Variants in PCLO observed in about 807,000 individuals in gnomAD.
PCLO encodes piccolo presynaptic cytomatrix protein.
Under a neutral mutation model 427.5 loss-of-function variants are expected in PCLO, and 82 were observed. That is an observed-to-expected ratio of 0.19 (90% CI 0.16 to 0.23). PCLO has a LOEUF of 0.23. Among genes scored for constraint, PCLO ranks in the 10% least tolerant of loss-of-function variants. PCLO has a pLI of 1.00. For missense variants in PCLO, 6,239 were observed against 6,115.9 expected (o/e 1.02, Z -0.67); for synonymous variants, 2,357 against 2,155.4 (o/e 1.09, Z -2.59).
intron 3 of PCLO, among the ~76,000 whole-genome samples, chr7:83,039,595 C>T (rs191457735): frequency 6.6e-6 from 1 of 152,164 alleles, no homozygotes; most frequent in South Asian, 2.1e-4. Context: ...AACTTCTTTA[C>T]TGCTGCTTTG....
chr7:83,009,781 T>C (rs1788034965), intron 3 of PCLO, among the ~76,000 whole-genome samples: 1 of 151,932 alleles, frequency 6.6e-6, no homozygotes, highest in African/African-American at 2.4e-5. Context: ...TGTTATTGGG[T>C]TCCATACCCA....
chr7:82,958,049 C>T (rs567170055), intron 4 of PCLO, among the ~76,000 whole-genome samples: 1 of 152,192 alleles, frequency 6.6e-6, no homozygotes, highest in South Asian at 2.1e-4. Context: ...GTTAGTTGTC[C>T]TGTTTAAAGG....
chr7:82,984,296 T>C (rs1285630866), intron 3 of PCLO, among the ~76,000 whole-genome samples: 1 of 139,244 alleles, frequency 7.2e-6, no homozygotes, highest in African/African-American at 3.4e-5. Flanking sequence ...AATTATTCAA[T>C]CATTACCTCT....
chr7:82,810,618 G>A (rs1183125699), intron 20 of PCLO, among the ~76,000 whole-genome samples: 4 of 151,710 alleles, frequency 2.6e-5, no homozygotes, highest in Non-Finnish European at 5.9e-5. Context: ...GTTACCTTCT[G>A]TGATGCAATT....
chr7:82,835,224 G>A (rs567741381), intron 16 of PCLO, among the ~76,000 whole-genome samples: 3 of 152,166 alleles, frequency 2.0e-5, no homozygotes, highest in African/African-American at 2.4e-5. Context: ...GATTACAGGC[G>A]TGAGCCACCG....
At chr7:82,772,638 TG>T (rs1316225353) in intron 22 of PCLO, among the ~76,000 whole-genome samples, 5 of 152,208 alleles carry the variant, frequency 3.3e-5, no homozygotes, top group Admixed American at 1.3e-4. Flanking sequence ...ACATTCTCTC[TG>T]TATTCTGTTA....
At chr7:83,031,702 A>T (rs749159997) in intron 3 of PCLO, among the ~76,000 whole-genome samples, 1 of 150,762 alleles carries the variant, frequency 6.6e-6, no homozygotes. Flanking sequence ...ACATTAAGAA[A>T]TGAGTCTTAA....
chr7:82,868,412 A>C (rs754867406), intron 10 of PCLO, among the ~76,000 whole-genome samples: 1 of 152,168 alleles, frequency 6.6e-6, no homozygotes, highest in Non-Finnish European at 1.5e-5. Context: ...CCTTACTTCA[A>C]TCCCTGATTC....
intron 3 of PCLO, among the ~76,000 whole-genome samples, chr7:82,986,349 A>T (rs1056703696): frequency 3.8e-4 from 22 of 57,570 alleles, no homozygotes; most frequent in African/African-American, 1.2e-3. Context: ...CAAATTAGAA[A>T]TATGCTCTTT....
chr7:82,786,240 A>G (rs1790980727), intron 22 of PCLO, among the ~76,000 whole-genome samples: 1 of 152,218 alleles, frequency 6.6e-6, no homozygotes, highest in Non-Finnish European at 1.5e-5. Context: ...TTAGAAGAAT[A>G]ATGTAACTAA....
In PCLO at chr7:83,087,401, A is replaced by G. The variant is rs576645957; in HGVS notation, c.3300+46849T>C. Among the ~76,000 whole-genome samples the G allele has an allele frequency of 7.2e-5, 11 of 152,130 alleles. 1 individual carries two copies. The South Asian group carries it at 2.3e-3, about 32-fold the overall frequency. ...CACTAAAATCTCAGACTTCACCACC[A>G]CTATGCAATTCATCTGTGTAACCAA... On this transcript the variant is annotated intron_variant, in intron 3 of 24. Coordinates refer to ENST00000333891, the MANE Select transcript of PCLO (RefSeq NM_033026.6).
chr7:83,125,647 G>C (rs1011710432), intron 3 of PCLO, among the ~76,000 whole-genome samples: 1 of 152,108 alleles, frequency 6.6e-6, no homozygotes, highest in Non-Finnish European at 1.5e-5. Flanking sequence ...GATTAAGGGC[G>C]GTGCAAGATG....
chr7:83,037,989 T>TTATATATATATATATATATACATA (rs1788838388), intron 3 of PCLO, among the ~76,000 whole-genome samples: 2 of 13,596 alleles, frequency 1.5e-4, no homozygotes, highest in Non-Finnish European at 2.5e-4. Flanking sequence ...AAGGAGGAGC[T>TTATATATATATATATATATACATA]TATATATATA....
intron 3 of PCLO, among the ~76,000 whole-genome samples, chr7:83,129,262 T>C (rs1471886640): frequency 2.0e-5 from 3 of 152,146 alleles, no homozygotes; most frequent in African/African-American, 7.2e-5. Context: ...ATAGGCCAAG[T>C]CAAAATAGCT....
intron 9 of PCLO, 68 bp from the exon 10 acceptor site, chr7:82,879,530 G>A: frequency 8.0e-7 from 1 of 1,256,964 alleles, no homozygotes; most frequent in Non-Finnish European, 1.1e-6. Context: ...ACAAGTTACA[G>A]AGAGCACAAA....
intron 14 of PCLO, among the ~76,000 whole-genome samples, chr7:82,839,020 T>C (rs1436083241): frequency 1.3e-5 from 2 of 152,070 alleles, no homozygotes; most frequent in African/African-American, 4.8e-5. Flanking sequence ...GGCTGAATAC[T>C]AAAAGACATA....
intron 10 of PCLO, among the ~76,000 whole-genome samples, chr7:82,873,261 A>G (rs564269317): frequency 6.4e-4 from 95 of 147,506 alleles, no homozygotes; most frequent in African/African-American, 2.3e-3. Flanking sequence ...GTTAAATAGC[A>G]TGCATCAGAC....
In PCLO at chr7:83,050,208, G is replaced by GAAAAAAAAAAAAAAAAAAAAAAA. The variant is rs556193471; in HGVS notation, c.3301-83744_3301-83722dup. ...TGAACTATTCCTCATCTGAAAAACT[G>GAAAAAAAAAAAAAAAAAAAAAAA]AAAAAAAAAAAAAAAAAAAAAAAAA... is the stretch of plus-strand genomic sequence containing the variant. On this transcript the variant is annotated intron_variant, in intron 3 of 24. Coordinates refer to ENST00000333891, the MANE Select transcript of PCLO (RefSeq NM_033026.6). Among the ~76,000 whole-genome samples the GAAAAAAAAAAAAAAAAAAAAAAA allele has an allele frequency of 2.2e-3, 12 of 5,458 alleles. 2 individuals are homozygous for GAAAAAAAAAAAAAAAAAAAAAAA. Among genetic ancestry groups the GAAAAAAAAAAAAAAAAAAAAAAA allele is most frequent in the African/African-American group, 3.5e-3 (7 of 2,008 alleles). The allele number at this position is 5,458 out of a possible 152,430, so 3.6% of individuals were successfully genotyped here.
intron 22 of PCLO, among the ~76,000 whole-genome samples, chr7:82,767,636 G>A (rs1790558696): frequency 6.6e-6 from 1 of 151,982 alleles, no homozygotes; most frequent in Non-Finnish European, 1.5e-5. Context: ...AGAAAACTAT[G>A]ATACATATAA....
Sources: allele counts gnomAD v4.1 joint callset (sites outside exome capture counted in the v4.1 genomes callset), GRCh38; gene constraint gnomAD v4.1.1; transcripts MANE v1.5; gene names NCBI Gene and HGNC (gene_info 2026-07-23, HGNC 2026-07-21).